The following OGG1 variants were observed in gnomAD, a reference collection of about 807,000 sequenced individuals.
The protein encoded by OGG1 is N-glycosylase/DNA lyase.
A neutral mutation model predicts 42.3 loss-of-function variants in OGG1; 35 were observed. The ratio of observed to expected loss-of-function variants is 0.83; its 90% confidence interval spans 0.63 to 1.10. The LOEUF is 1.10. Among genes scored for constraint, OGG1 ranks in the 50% least tolerant of loss-of-function variants. OGG1 has a pLI of 0.00. For missense variants in OGG1, 484 were observed against 446.7 expected, an observed-to-expected ratio of 1.08 and a Z score of -0.75; for synonymous variants, 189 against 179.0, an observed-to-expected ratio of 1.06 and a Z score of -0.44.
downstream of OGG1, among the ~76,000 whole-genome samples, chr3:9,790,420 C>T (rs992630005): frequency 6.6e-6 from 1 of 152,190 alleles, no homozygotes; most frequent in African/African-American, 2.4e-5. Flanking sequence ...GTCCAGTTGG[C>T]ACCTCCTTCC....
In OGG1 at chr3:9,757,039, C is replaced by T. The variant is rs781015219; in HGVS notation, c.949-22C>T. 6.2e-7 allele frequency: 1 copy of T among 1,614,014 alleles called. No individual in the cohort carries two copies. The highest frequency in any genetic ancestry group is 8.5e-7 in the Non-Finnish European group (1 of 1,180,032). On this transcript the variant is annotated intron_variant, in intron 6 of 6. Coordinates refer to ENST00000344629, the MANE Select transcript of OGG1 (RefSeq NM_002542.6). The surrounding 1 kb of genome is among the most constrained non-coding windows in gnomAD (Gnocchi z 4.5). ...TGACCCCAGTGTACCCTCCTCCCCA[C>T]ACAGACTCCACCCTCCTACAGGTGC...
At chr3:9,788,211 T>C (rs1035626768) in exon 4 of OGG1, 1 of 155,324 alleles carries the variant, frequency 6.4e-6, no homozygotes, top group Non-Finnish European at 1.4e-5. Context: ...TAATGGAGCA[T>C]GTTTTATTTA....
chr3:9,756,442 C>T (rs769220383), intron 4 of OGG1, 29 bp from the exon 5 acceptor site: 7 of 1,613,076 alleles, frequency 4.3e-6, no homozygotes, highest in Non-Finnish European at 5.1e-6. Context: ...GCCCTTCTTC[C>T]ACAAGGGCTC....
chr3:9,783,947 T>C (rs2078541890), intron 3 of OGG1: 4 of 1,479,518 alleles, frequency 2.7e-6, no homozygotes, highest in Non-Finnish European at 3.6e-6. Flanking sequence ...GAAAGCCTGT[T>C]GTAAAACCCC....
At chr3:9,752,540 A>T (rs2077353898) in intron 3 of OGG1, among the ~76,000 whole-genome samples, 1 of 151,120 alleles carries the variant, frequency 6.6e-6, no homozygotes. Context: ...AAAAAAAAAA[A>T]AAAAAAAAAA....
chr3:9,761,899 G>A (rs1482413565), downstream of OGG1: 2 of 1,376,156 alleles, frequency 1.5e-6, no homozygotes, highest in Middle Eastern at 2.6e-4. Flanking sequence ...GAAAATCAAG[G>A]AAGCTCTCAA....
intron 2 of OGG1, among the ~76,000 whole-genome samples, chr3:9,779,531 A>C (rs2078412709): frequency 6.6e-6 from 1 of 151,988 alleles, no homozygotes; most frequent in Admixed American, 6.6e-5. Context: ...GGGGAGGGAA[A>C]GCATTAGGAG....
In OGG1 at chr3:9,754,831, C is replaced by G. The variant is rs2077463220; in HGVS notation, c.693C>G (p.Ser231=). ...GLAWLQQLRE[S]SYEEAHKALC... Reference sequence around the variant, plus strand: ...CCTGGCTGCAGCAGCTACGAGAGTCCTCATATGAGGAGGCCCACAAGGCCC... The same window carrying G: ...CCTGGCTGCAGCAGCTACGAGAGTCGTCATATGAGGAGGCCCACAAGGCCC... The change falls in exon 4 of 7, where the codon TCC becomes TCG. Residue 231 remains serine (S), a synonymous_variant. Coordinates refer to ENST00000344629, the MANE Select transcript of OGG1 (RefSeq NM_002542.6). 2 of 1,610,948 alleles carry G rather than the reference C, an allele frequency of 1.2e-6. No homozygotes were observed. Among genetic ancestry groups the G allele is most frequent in the African/African-American group, 2.7e-5 (2 of 74,878 alleles).
chr3:9,776,959 C>G (rs1312447809), intron 2 of OGG1, among the ~76,000 whole-genome samples: 2 of 152,168 alleles, frequency 1.3e-5, no homozygotes, highest in Non-Finnish European at 2.9e-5. Context: ...TCCATTGAGT[C>G]CTGAGCCCCA....
exon 8 of OGG1, chr3:9,766,039 A>T: frequency 6.2e-7 from 1 of 1,606,860 alleles, no homozygotes; most frequent in South Asian, 1.1e-5. Flanking sequence ...CTGGCTCCAG[A>T]GATGGTCACA....
chr3:9,768,199 C>A (rs1245350400), downstream of OGG1, among the ~76,000 whole-genome samples: 1 of 152,186 alleles, frequency 6.6e-6, no homozygotes, highest in African/African-American at 2.4e-5. Flanking sequence ...GCTGGGGTGT[C>A]TCCTTTCCCT....
At chr3:9,786,850 C>T (rs1297409894) in intron 3 of OGG1, among the ~76,000 whole-genome samples, 1 of 152,132 alleles carries the variant, frequency 6.6e-6, no homozygotes, top group Non-Finnish European at 1.5e-5. Flanking sequence ...TATATTATTC[C>T]CAATCTTTTG....
chr3:9,751,085 T>C lies in OGG1; in HGVS notation c.278T>C (p.Leu93Pro). 2 of 1,614,116 alleles carry C rather than the reference T, an allele frequency of 1.2e-6. No homozygotes were observed. The highest frequency in any genetic ancestry group is 2.7e-5 in the African/African-American group (2 of 75,024). Reference protein sequence around the residue: ...SQASRPTPDELEAVRKYFQLD... With the variant: ...SQASRPTPDEPEAVRKYFQLD... ...GCTAGCAGGCCCACACCAGACGAGC[T>C]GGAGGCCGTGCGCAAGTACTTCCAG... Residue 93 changes from leucine to proline, a missense_variant, in exon 2 of 7, where the codon CTG (leucine) becomes CCG (proline). By Grantham distance (98) the Leu-to-Pro change is moderately conservative. Transcript: ENST00000344629.
At position 9,750,413 on chromosome 3, in the gene OGG1, C is replaced by G. The variant is rs139595187; in HGVS notation, c.127C>G (p.Gln43Glu). 1.1e-5 allele frequency: 18 copies of G among 1,613,868 alleles called. No individual in the cohort carries two copies. The African/African-American group carries it at 2.4e-4, about 22-fold the overall frequency. ...LRLDLVLPSG[Q>E]SFRWREQSPA... ...CCTGGACCTGGTTCTGCCTTCTGGA[C>G]AATCTTTCCGGTGAGTGACTGAGCC... is the stretch of plus-strand genomic sequence containing the variant. Residue 43 changes from glutamine to glutamate, a missense_variant, in exon 1 of 7, where the codon CAA becomes GAA. Transcript: ENST00000344629.
chr3:9,765,072 C>T (rs1482916460), intron 7 of OGG1, among the ~76,000 whole-genome samples: 1 of 151,502 alleles, frequency 6.6e-6, no homozygotes, highest in African/African-American at 2.4e-5. Context: ...ACTAAAAATA[C>T]AAAAATTAGC....
downstream of OGG1, among the ~76,000 whole-genome samples, chr3:9,788,736 C>T (rs182599494): frequency 2.7e-4 from 41 of 152,006 alleles, no homozygotes; most frequent in Admixed American, 9.8e-4. Flanking sequence ...GACGGCGTTT[C>T]ACCATGTTGG....
At chr3:9,781,598 G>A (rs190104876) in exon 3 of OGG1, 9 of 456,286 alleles carry the variant, frequency 2.0e-5, no homozygotes, top group Middle Eastern at 6.6e-4. Context: ...AGGCTGACAG[G>A]AGGTGGGTGA....
chr3:9,789,269 G>A (rs573278571), downstream of OGG1, among the ~76,000 whole-genome samples: 1 of 152,200 alleles, frequency 6.6e-6, no homozygotes, highest in African/African-American at 2.4e-5. Context: ...AAAGGAACAT[G>A]GGCAGACTTC....
chr3:9,766,789 GT>G (rs1195195259), downstream of OGG1: 2 of 248,518 alleles, frequency 8.0e-6, no homozygotes, highest in East Asian at 3.0e-4. Flanking sequence ...AGTTACTGTA[GT>G]AACCTCATCA....
Sources: gnomAD v4.1 joint callset for allele counts (sites outside exome capture counted in the v4.1 genomes callset) on GRCh38, gnomAD v4.1.1 for gene constraint, Gnocchi (gnomAD v3.1) non-coding constraint, MANE v1.5 for transcripts, NCBI Gene and HGNC (gene_info 2026-07-23, HGNC 2026-07-21) for gene names.